The following PDE7A variants were observed in gnomAD, a reference collection of about 807,000 sequenced individuals.
The protein encoded by PDE7A is phosphodiesterase 7A.
A neutral mutation model predicts 64.3 loss-of-function variants in PDE7A; 39 were observed. The ratio of observed to expected loss-of-function variants is 0.61; its 90% confidence interval spans 0.47 to 0.79. PDE7A has a LOEUF of 0.79. Among genes scored for constraint, PDE7A ranks in the 30% least tolerant of loss-of-function variants. The pLI is 0.00. For missense variants in PDE7A, 470 were observed against 582.8 expected, an observed-to-expected ratio of 0.81 and a Z score of 1.99; for synonymous variants, 203 against 206.8, an observed-to-expected ratio of 0.98 and a Z score of 0.16.
chr8:65,798,127 A>C (rs1809887503), intron 1 of PDE7A, among the ~76,000 whole-genome samples: 1 of 148,862 alleles, frequency 6.7e-6, no homozygotes, highest in Admixed American at 6.7e-5. Flanking sequence ...TACCAAAAAA[A>C]GGCAGAATAA....
chr8:65,831,371 T>C (rs193119014), intron 1 of PDE7A, among the ~76,000 whole-genome samples: 29 of 152,264 alleles, frequency 1.9e-4, no homozygotes, highest in Non-Finnish European at 3.7e-4. Flanking sequence ...TGCATTTTTG[T>C]TCCTAGCTTC....
intron 1 of PDE7A, among the ~76,000 whole-genome samples, chr8:65,816,046 T>C (rs1810391831): frequency 6.6e-6 from 1 of 151,890 alleles, no homozygotes; most frequent in African/African-American, 2.4e-5. Context: ...TTTTGGAAAA[T>C]ATCTATTTTC....
chr8:65,763,159 TAAGG>T (rs1323945513), intron 3 of PDE7A, among the ~76,000 whole-genome samples: 1 of 152,070 alleles, frequency 6.6e-6, no homozygotes, highest in Non-Finnish European at 1.5e-5. Context: ...AAGAATTGCT[TAAGG>T]GAGGGAATAT....
intron 1 of PDE7A, among the ~76,000 whole-genome samples, chr8:65,820,901 T>A (rs1217905444): frequency 6.6e-6 from 1 of 152,212 alleles, no homozygotes; most frequent in Non-Finnish European, 1.5e-5. Flanking sequence ...AAATTGTTGA[T>A]TTAAACAACT....
chr8:65,724,999 A>C lies in PDE7A; in HGVS notation c.921-78T>G. ...ATTGATTTTTTTTCTTAACCATAATAATCGGAAGGCTTTATAGAACCCTAA... is the reference window on the plus strand; with the variant it reads ...ATTGATTTTTTTTCTTAACCATAATCATCGGAAGGCTTTATAGAACCCTAA... On this transcript the variant is annotated intron_variant, in intron 9 of 12. Transcript: ENST00000401827. The C allele has an allele frequency of 6.7e-6, 6 of 899,060 alleles. No homozygotes were observed. In the South Asian group the frequency reaches 9.1e-5, roughly 14 times the overall value. The allele number at this position is 899,060 out of a possible 1,614,324, so 55.7% of individuals were successfully genotyped here.
rs1268333417 is a variant in PDE7A, at chr8:65,738,835, A to G, written c.595+667T>C. Among the ~76,000 whole-genome samples the G allele has an allele frequency of 3.3e-5, 5 of 152,372 alleles. No homozygotes were observed. The East Asian group carries it at 9.6e-4, about 29-fold the overall frequency. On this transcript the variant is annotated intron_variant, in intron 6 of 12. Transcript: ENST00000401827. ...CTCTTTTAAAGTTTTAGCCTTCAAA[A>G]ATTTAGAAAAGTACAGAAATTGTGT...
intron 3 of PDE7A, among the ~76,000 whole-genome samples, chr8:65,762,991 ATGTGTGTGTGTGTGTGTGTGTGTG>A (rs34371328): frequency 6.5e-5 from 9 of 138,514 alleles, no homozygotes; most frequent in Non-Finnish European, 9.4e-5. Context: ...TATAAAAACA[ATGTGTGTGTGTGTGTGTGTGTGTG>A]TGTGTGTGTG....
intron 1 of PDE7A, among the ~76,000 whole-genome samples, chr8:65,784,237 C>A (rs903424824): frequency 6.6e-6 from 1 of 151,680 alleles, no homozygotes; most frequent in African/African-American, 2.4e-5. Context: ...TGGACTAGCA[C>A]CATGGGATAT....
In PDE7A at chr8:65,832,871, T is replaced by C. The variant is rs558030952; in HGVS notation, c.138+8500A>G. Among the ~76,000 whole-genome samples the C allele has an allele frequency of 2.4e-4, 37 of 152,324 alleles. No individual in the cohort carries two copies. In the South Asian group the frequency reaches 3.3e-3, roughly 14 times the overall value. On this transcript the variant is annotated intron_variant, in intron 1 of 12. Coordinates refer to ENST00000401827, the MANE Select transcript of PDE7A (RefSeq NM_001242318.3). The stretch of plus-strand genomic sequence containing the variant: ...CCTTATTTCCTACTGTTCCTAGCTA[T>C]TGGTACTTATTTTACCCTCTGAGGT...
intron 12 of PDE7A, among the ~76,000 whole-genome samples, chr8:65,721,206 T>A (rs1806363855): frequency 6.6e-6 from 1 of 152,228 alleles, no homozygotes; most frequent in African/African-American, 2.4e-5. Flanking sequence ...CCCACAAGCC[T>A]CTACTTTATC....
At chr8:65,773,356 T>C (rs1809166336) in intron 3 of PDE7A, among the ~76,000 whole-genome samples, 1 of 152,232 alleles carries the variant, frequency 6.6e-6, no homozygotes, top group South Asian at 2.1e-4. Context: ...TAGGACCAAG[T>C]CTATAGCAAG....
At position 65,739,575 on chromosome 8, in the gene PDE7A, G is replaced by A; in HGVS notation, c.522C>T (p.Thr174=). ...LTNGNSLVSL[T]FHLFSLHGLI... The stretch of plus-strand genomic sequence containing the variant: ...ATCCATGAAGACTAAATAAATGAAA[G>A]GTTAAGCTTACTAGACTATTTCCTA... Residue 174 remains threonine (T), a synonymous_variant, in exon 6 of 13, where the codon ACC becomes ACT. Transcript: ENST00000401827. 6.5e-7 allele frequency: 1 copy of A among 1,549,352 alleles called. No homozygotes were observed. Among genetic ancestry groups the A allele is most frequent in the Non-Finnish European group, 8.7e-7 (1 of 1,153,814 alleles).
intron 3 of PDE7A, among the ~76,000 whole-genome samples, chr8:65,768,459 C>G (rs1808911753): frequency 6.6e-6 from 1 of 152,168 alleles, no homozygotes; most frequent in Non-Finnish European, 1.5e-5. Flanking sequence ...CCCTGCACAA[C>G]CTCTCTTGCC....
intron 3 of PDE7A, among the ~76,000 whole-genome samples, chr8:65,763,464 C>T (rs982287641): frequency 1.3e-5 from 2 of 151,994 alleles, no homozygotes; most frequent in Non-Finnish European, 2.9e-5. Flanking sequence ...ACTTAGGAGG[C>T]TGAGGCAGGA....
intron 3 of PDE7A, among the ~76,000 whole-genome samples, chr8:65,763,232 T>C (rs1808600215): frequency 6.6e-6 from 1 of 152,122 alleles, no homozygotes; most frequent in African/African-American, 2.4e-5. Context: ...ATGTTCACTT[T>C]GAAAAAATTT....
At chr8:65,797,027 T>C (rs1439816503) in intron 1 of PDE7A, among the ~76,000 whole-genome samples, 1 of 152,194 alleles carries the variant, frequency 6.6e-6, no homozygotes, top group Non-Finnish European at 1.5e-5. Context: ...TGTATTTCTA[T>C]ATATTAGTAA....
Position 65,788,914 on chromosome 8 carries a change from C to G in PDE7A, c.139-6071G>C. 2.5e-6 allele frequency: 4 copies of G among 1,612,974 alleles called. 1 individual carries two copies. The highest frequency in any genetic ancestry group is 3.4e-6 in the Non-Finnish European group (4 of 1,179,224). ...GTGATCCACTTGATAAGAACCAAGG[C>G]CAGACACCAGATCAATGTAATTCCC... is the stretch of plus-strand genomic sequence containing the variant. On this transcript the variant is annotated intron_variant, in intron 1 of 12. Coordinates refer to ENST00000401827, the MANE Select transcript of PDE7A (RefSeq NM_001242318.3).
chr8:65,790,765 GC>G (rs1199796653), intron 1 of PDE7A, among the ~76,000 whole-genome samples: 1 of 152,094 alleles, frequency 6.6e-6, no homozygotes, highest in Non-Finnish European at 1.5e-5. Context: ...TTTAATTTTT[GC>G]CATGAGACTA....
chr8:65,775,772 C>G (rs1165055581), intron 3 of PDE7A, among the ~76,000 whole-genome samples: 2 of 152,182 alleles, frequency 1.3e-5, no homozygotes, highest in African/African-American at 4.8e-5. Flanking sequence ...GGATTACAGG[C>G]ACGCACCACT....
Sources: allele counts gnomAD v4.1 joint callset (sites outside exome capture counted in the v4.1 genomes callset), GRCh38; gene constraint gnomAD v4.1.1; transcripts MANE v1.5; gene names NCBI Gene and HGNC (gene_info 2026-07-23, HGNC 2026-07-21).